Variants in LRP1B observed in about 807,000 individuals in gnomAD.
LRP1B encodes the protein low-density lipoprotein receptor-related protein 1B.
In LRP1B, 217 loss-of-function variants were observed where a neutral mutation model predicts 556.6. That is an observed-to-expected ratio of 0.39 (90% CI 0.35 to 0.44). The LOEUF (loss-of-function observed/expected upper bound fraction) is 0.44, where lower values mean the gene tolerates loss of function less well. Among genes scored for constraint, LRP1B ranks in the 20% least tolerant of loss-of-function variants. LRP1B has a pLI of 1.00. For synonymous variants in LRP1B, 2,047 were observed against 1,865.8 expected (o/e 1.10, Z -2.50); for missense variants, 5,053 against 5,620.8 (o/e 0.90, Z 3.23).
chr2:140,708,097 A>C (rs1315805088), intron 37 of LRP1B, among the ~76,000 whole-genome samples: 1 of 152,088 alleles, frequency 6.6e-6, no homozygotes, highest in Non-Finnish European at 1.5e-5. Flanking sequence ...TGTTAATGGC[A>C]GAGGCAAATG....
At chr2:141,835,386 C>T (rs1462359961) in intron 1 of LRP1B, among the ~76,000 whole-genome samples, 1 of 150,002 alleles carries the variant, frequency 6.7e-6, no homozygotes, top group African/African-American at 2.5e-5. Flanking sequence ...CCAGTGTGGA[C>T]AAAGGGCTTT....
chr2:140,632,052 T>C (rs1445414973), intron 41 of LRP1B, among the ~76,000 whole-genome samples: 3 of 152,186 alleles, frequency 2.0e-5, no homozygotes, highest in Non-Finnish European at 4.4e-5. Context: ...CTGTATACAC[T>C]ATATTACTCA....
intron 43 of LRP1B, among the ~76,000 whole-genome samples, chr2:140,556,693 G>A (rs1014313911): frequency 4.0e-5 from 6 of 151,500 alleles, no homozygotes; most frequent in African/African-American, 1.5e-4. Flanking sequence ...GAAACATACT[G>A]TTCTGAACAT....
chr2:141,022,430 A>C (rs1053427931), intron 11 of LRP1B, among the ~76,000 whole-genome samples: 1 of 151,994 alleles, frequency 6.6e-6, no homozygotes, highest in Admixed American at 6.6e-5. Flanking sequence ...CTTGCAGAAC[A>C]CAGCTTGAAC....
intron 11 of LRP1B, among the ~76,000 whole-genome samples, chr2:141,034,920 C>A (rs565989904): frequency 5.3e-4 from 81 of 151,846 alleles, no homozygotes; most frequent in Non-Finnish European, 7.4e-4. Flanking sequence ...ATGTTTATTG[C>A]GGCACTATTC....
At chr2:141,832,327 TCACACACACACACACA>T (rs869062999) in intron 1 of LRP1B, among the ~76,000 whole-genome samples, 1 of 143,966 alleles carries the variant, frequency 6.9e-6, no homozygotes, top group East Asian at 2.0e-4. Flanking sequence ...TCTTTCTCTC[TCACACACACACACACA>T]CACACACACA....
chr2:140,464,800 C>G (rs911598381), intron 60 of LRP1B, among the ~76,000 whole-genome samples: 6 of 152,108 alleles, frequency 3.9e-5, no homozygotes, highest in African/African-American at 1.4e-4. Context: ...GTTAGAGAGT[C>G]TTAATAAAAA....
intron 2 of LRP1B, among the ~76,000 whole-genome samples, chr2:141,551,132 A>G (rs1559135883): frequency 6.6e-6 from 1 of 152,074 alleles, no homozygotes; most frequent in Non-Finnish European, 1.5e-5. Flanking sequence ...CAAAGATTAT[A>G]TAAATATTAC....
At chr2:141,531,153 C>T (rs370770027) in intron 2 of LRP1B, among the ~76,000 whole-genome samples, 17 of 151,914 alleles carry the variant, frequency 1.1e-4, no homozygotes, top group African/African-American at 3.6e-4. Flanking sequence ...TATAGAATGC[C>T]GCTCTGTACC....
At chr2:141,727,999 T>C (rs1320348344) in intron 2 of LRP1B, among the ~76,000 whole-genome samples, 4 of 152,152 alleles carry the variant, frequency 2.6e-5, no homozygotes, top group South Asian at 2.1e-4. Flanking sequence ...GTGATTTTTT[T>C]CCCCAAAGGA....
chr2:140,642,128 A>G (rs1684317794), intron 41 of LRP1B, among the ~76,000 whole-genome samples: 1 of 152,152 alleles, frequency 6.6e-6, no homozygotes, highest in South Asian at 2.1e-4. Context: ...GGCCAGAGTT[A>G]TCATTGAGAA....
At chr2:140,350,205 A>G (rs1681893340) in intron 77 of LRP1B, among the ~76,000 whole-genome samples, 1 of 152,004 alleles carries the variant, frequency 6.6e-6, no homozygotes, top group Non-Finnish European at 1.5e-5. Context: ...CTAATCTACA[A>G]CCATAAATTG....
At chr2:141,875,259 C>A (rs1243698311) in intron 1 of LRP1B, among the ~76,000 whole-genome samples, 1 of 151,762 alleles carries the variant, frequency 6.6e-6, no homozygotes, top group African/African-American at 2.4e-5. Context: ...ATTCTCCTTC[C>A]TTGGCCTCCC....
At position 140,537,546 on chromosome 2, in the gene LRP1B, G is replaced by A. The variant is rs1679965530; in HGVS notation, c.7514-837C>T. 2.0e-5 allele frequency among the ~76,000 whole-genome samples: 3 copies of A among 152,006 alleles called. 1 individual carries two copies. Among genetic ancestry groups the A allele is most frequent in the Admixed American group, 2.0e-4 (3 of 15,244 alleles). ...ATCCATGTGTGGGAGGTTCCCGGGA[G>A]CAGACTCTTTCTTGCTGCCATACAT... On this transcript the variant is annotated intron_variant, in intron 45 of 90. Transcript: ENST00000389484.
intron 3 of LRP1B, among the ~76,000 whole-genome samples, chr2:141,292,150 T>C (rs527735887): frequency 6.6e-6 from 1 of 152,262 alleles, no homozygotes; most frequent in East Asian, 1.9e-4. Context: ...GACCTGTGCA[T>C]GCGAGGGATC....
intron 2 of LRP1B, among the ~76,000 whole-genome samples, chr2:141,557,718 C>T (rs1446790014): frequency 6.6e-6 from 1 of 151,838 alleles, no homozygotes; most frequent in African/African-American, 2.4e-5. Context: ...TTCCTATTCC[C>T]GCAGAGGGCC....
chr2:141,197,124 T>C (rs1681787612), intron 6 of LRP1B, among the ~76,000 whole-genome samples: 1 of 152,170 alleles, frequency 6.6e-6, no homozygotes, highest in Non-Finnish European at 1.5e-5. Flanking sequence ...CTCTTTCCTT[T>C]ATAAATTATC....
chr2:142,114,068 C>T (rs776885197), intron 1 of LRP1B, among the ~76,000 whole-genome samples: 6 of 152,116 alleles, frequency 3.9e-5, no homozygotes, highest in Admixed American at 1.3e-4. Context: ...TCTATGCACT[C>T]CCTTCTGCAA....
At chr2:141,456,261 T>C (rs1349495147) in intron 3 of LRP1B, among the ~76,000 whole-genome samples, 1 of 152,232 alleles carries the variant, frequency 6.6e-6, no homozygotes. Flanking sequence ...TCGATGTTAC[T>C]TCACCATCTA....
Sources: gnomAD v4.1 joint callset for allele counts (sites outside exome capture counted in the v4.1 genomes callset) on GRCh38, gnomAD v4.1.1 for gene constraint, MANE v1.5 for transcripts, NCBI Gene and HGNC (gene_info 2026-07-23, HGNC 2026-07-21) for gene names.